ATP8A2: variants seen among roughly 807,000 people sequenced by gnomAD.
ATP8A2 encodes the protein ATPase phospholipid transporting 8A2.
Under a neutral mutation model 165.6 loss-of-function variants are expected in ATP8A2, and 100 were observed. That is an observed-to-expected ratio of 0.60 (90% confidence interval 0.51 to 0.71). The LOEUF is 0.71. ATP8A2 is among the 30% of genes least tolerant of loss of function. The pLI is 0.00. For missense variants in ATP8A2, 1,227 were observed against 1,479.5 expected (o/e 0.83, Z 2.80); for synonymous variants, 543 against 548.8 (o/e 0.99, Z 0.15).
chr13:25,720,169 T>TTTTTTTTTTTTC (rs2043345583), intron 25 of ATP8A2, among the ~76,000 whole-genome samples: 1 of 116,894 alleles, frequency 8.6e-6, no homozygotes, highest in African/African-American at 3.8e-5. Flanking sequence ...TACTTTTTCT[T>TTTTTTTTTTTTC]TTTTTTTTTT....
chr13:25,840,247 A>C (rs1951721595), intron 30 of ATP8A2, among the ~76,000 whole-genome samples: 1 of 152,226 alleles, frequency 6.6e-6, no homozygotes, highest in African/African-American at 2.4e-5. Context: ...TTATTCTCAG[A>C]AAATACAAAT....
intron 25 of ATP8A2, among the ~76,000 whole-genome samples, chr13:25,760,190 G>A (rs1323461166): frequency 6.6e-6 from 1 of 152,118 alleles, no homozygotes; most frequent in Non-Finnish European, 1.5e-5. Context: ...ATATCAAGTT[G>A]CCCTCACCAC....
At chr13:25,751,037 C>T (rs2138195836) in intron 25 of ATP8A2, among the ~76,000 whole-genome samples, 1 of 152,292 alleles carries the variant, frequency 6.6e-6, no homozygotes, top group East Asian at 1.9e-4. Flanking sequence ...CTTTGGTGGA[C>T]AAAAGCTCCA....
At chr13:25,422,116 C>T (rs374669182) in intron 1 of ATP8A2, among the ~76,000 whole-genome samples, 131 of 152,216 alleles carry the variant, frequency 8.6e-4, no homozygotes, top group African/African-American at 3.1e-3. Context: ...AGTATCATTG[C>T]CCCCTCTTTT....
intron 1 of ATP8A2, among the ~76,000 whole-genome samples, chr13:25,429,009 A>T (rs1187933992): frequency 1.3e-5 from 2 of 152,026 alleles, no homozygotes; most frequent in Non-Finnish European, 2.9e-5. Context: ...GAGGCTGAAG[A>T]TTCCTAAGAG....
chr13:25,438,139 A>G (rs975894452), intron 1 of ATP8A2, among the ~76,000 whole-genome samples: 9 of 152,284 alleles, frequency 5.9e-5, no homozygotes, highest in Non-Finnish European at 1.3e-4. Flanking sequence ...TAGTTCAACC[A>G]TGAGGGCAGA....
chr13:25,843,509 A>G (rs1478268412), intron 30 of ATP8A2, among the ~76,000 whole-genome samples: 1 of 152,072 alleles, frequency 6.6e-6, no homozygotes, highest in Non-Finnish European at 1.5e-5. Flanking sequence ...GTACCTATAA[A>G]AAGGACCCTA....
At chr13:25,562,915 C>T (rs2138130208) in intron 15 of ATP8A2, among the ~76,000 whole-genome samples, 1 of 152,296 alleles carries the variant, frequency 6.6e-6, no homozygotes, top group East Asian at 1.9e-4. Context: ...CTTCCTCCTT[C>T]CCTGTACCTC....
chr13:25,959,559 G>A (rs369165713), intron 33 of ATP8A2, among the ~76,000 whole-genome samples: 238 of 152,316 alleles, frequency 1.6e-3, no homozygotes, highest in African/African-American at 5.6e-3. Context: ...TCATCTAGGG[G>A]TGACACCTTC....
intron 25 of ATP8A2, among the ~76,000 whole-genome samples, chr13:25,734,456 A>G (rs1217449695): frequency 6.6e-6 from 1 of 152,206 alleles, no homozygotes; most frequent in Non-Finnish European, 1.5e-5. Context: ...TTCAACTGAT[A>G]TAGTACTTTA....
At chr13:25,736,061 C>T (rs2043761747) in intron 25 of ATP8A2, among the ~76,000 whole-genome samples, 1 of 152,188 alleles carries the variant, frequency 6.6e-6, no homozygotes, top group South Asian at 2.1e-4. Flanking sequence ...TTACAATTGC[C>T]TACCATATTC....
intron 27 of ATP8A2, among the ~76,000 whole-genome samples, chr13:25,814,474 TTAC>T (rs1370282166): frequency 6.6e-6 from 1 of 152,004 alleles, no homozygotes; most frequent in African/African-American, 2.4e-5. Context: ...ATTTCAGAAC[TTAC>T]TACAGAGCTA....
intron 24 of ATP8A2, among the ~76,000 whole-genome samples, chr13:25,619,987 T>C (rs1431475204): frequency 6.6e-6 from 1 of 152,180 alleles, no homozygotes; most frequent in Non-Finnish European, 1.5e-5. Flanking sequence ...GAAGGGCAGT[T>C]GAGGCATACA....
intron 33 of ATP8A2, among the ~76,000 whole-genome samples, chr13:25,897,313 A>C (rs1953586710): frequency 6.6e-6 from 1 of 152,200 alleles, no homozygotes; most frequent in African/African-American, 2.4e-5. Context: ...GCTGGATATG[A>C]AATTCTGGGT....
intron 2 of ATP8A2, among the ~76,000 whole-genome samples, chr13:25,519,555 C>G (rs2037592932): frequency 1.3e-5 from 2 of 152,052 alleles, no homozygotes; most frequent in African/African-American, 4.8e-5. Flanking sequence ...AAATCCCGGT[C>G]ATCTTCATGT....
At chr13:25,391,383 A>G (rs1293702399) in intron 1 of ATP8A2, among the ~76,000 whole-genome samples, 1 of 152,156 alleles carries the variant, frequency 6.6e-6, no homozygotes. Flanking sequence ...TTCTTTCATC[A>G]TCTATTTTAT....
In ATP8A2 at chr13:25,797,978, A is replaced by C. The variant is rs568681317; in HGVS notation, c.2679+23019A>C. Among the ~76,000 whole-genome samples, 11 of 152,338 alleles carry C rather than the reference A, an allele frequency of 7.2e-5. No individual in the cohort carries two copies. The East Asian group carries it at 2.1e-3, about 29-fold the overall frequency. ...ACTATTTAAGAGATAAGTGAATCTT[A>C]AATTCTTAATTTACAAAAGTTTGAT... On this transcript the variant is annotated intron_variant, in intron 27 of 36. Transcript: ENST00000381655.
chr13:25,651,536 A>G (rs1341992065), intron 24 of ATP8A2, among the ~76,000 whole-genome samples: 1 of 151,822 alleles, frequency 6.6e-6, no homozygotes, highest in Non-Finnish European at 1.5e-5. Context: ...AAATTTTCAA[A>G]TTTATTGGCC....
intron 35 of ATP8A2, among the ~76,000 whole-genome samples, chr13:25,976,514 G>A (rs535018392): frequency 5.1e-4 from 78 of 152,048 alleles, no homozygotes; most frequent in African/African-American, 1.8e-3. Context: ...GGAAAGCCAC[G>A]GAGCCCCCAG....
Sources: gnomAD v4.1 joint callset for allele counts (sites outside exome capture counted in the v4.1 genomes callset) on GRCh38, gnomAD v4.1.1 for gene constraint, MANE v1.5 for transcripts, NCBI Gene and HGNC (gene_info 2026-07-23, HGNC 2026-07-21) for gene names.